CCDC169: variants seen among roughly 807,000 people sequenced by gnomAD.
CCDC169 encodes the protein coiled-coil domain-containing protein 169.
In CCDC169, 30 loss-of-function variants were observed where a neutral mutation model predicts 36.0. The observed-to-expected ratio is 0.83, with a 90% CI of 0.62 to 1.13. The LOEUF (loss-of-function observed/expected upper bound fraction) is 1.13, where lower values mean the gene tolerates loss of function less well. CCDC169 is among the 50% of genes most tolerant of loss of function. The pLI is 0.00. For missense variants in CCDC169, 245 were observed against 245.9 expected, an observed-to-expected ratio of 1.00 and a Z score of 0.03; for synonymous variants, 85 against 81.5, an observed-to-expected ratio of 1.04 and a Z score of -0.23.
intron 5 of CCDC169, 90 bp downstream of exon 5, chr13:36,253,955 G>GTTTTATAAGCA: frequency 2.0e-6 from 3 of 1,522,416 alleles, no homozygotes; most frequent in Non-Finnish European, 2.7e-6. Flanking sequence ...GTAGGAAATA[G>GTTTTATAAGCA]TTTTGTGTTA....
At chr13:36,265,174 G>A (rs530134796) in intron 4 of CCDC169, among the ~76,000 whole-genome samples, 30 of 152,220 alleles carry the variant, frequency 2.0e-4, no homozygotes, top group African/African-American at 4.8e-4. Flanking sequence ...AGTTGTGACC[G>A]TCCACTTTTG....
chr13:36,255,813 A>G (rs1294048733), intron 4 of CCDC169, among the ~76,000 whole-genome samples: 3 of 152,180 alleles, frequency 2.0e-5, no homozygotes, highest in African/African-American at 7.2e-5. Context: ...TACCATTGTC[A>G]TCCACAGTCT....
chr13:36,226,987 T>C (rs1014568988), downstream of CCDC169: 1 of 428,422 alleles, frequency 2.3e-6, no homozygotes, highest in African/African-American at 2.0e-5. Flanking sequence ...ATAAAATCCT[T>C]ATCTCTCACT....
At position 36,254,055 on chromosome 13, in the gene CCDC169, T is replaced by C. The variant is rs1052588577; in HGVS notation, c.404A>G (p.Gln135Arg). 6.5e-6 allele frequency: 10 copies of C among 1,544,184 alleles called. No individual in the cohort carries two copies. In the African/African-American group the frequency reaches 1.4e-4, roughly 21 times the overall value. ...AGAGTAAAAACAAACCTTTGATTCT[T>C]GTTCCAGTTTAAGTGCATAGTATTT... ...QVKYYALKLE[Q>R]ESKAYQKINN... is the part of the protein sequence containing the mutation. Residue 135 changes from glutamine (Q) to arginine (R), a missense_variant, in exon 5 of 8, where the codon CAA (glutamine) becomes CGA (arginine). Physicochemically the swap from Gln to Arg is conservative, Grantham distance 43 (BLOSUM62 1). Coordinates refer to ENST00000239859, the MANE Select transcript of CCDC169 (RefSeq NM_001144981.3).
chr13:36,297,757 G>T lies in CCDC169; in HGVS notation c.-38C>A. 1 of 1,535,240 alleles carries T rather than the reference G, an allele frequency of 6.5e-7. No homozygotes were observed. The highest frequency in any genetic ancestry group is 1.2e-5 in the South Asian group (1 of 83,782). On this transcript the variant is annotated 5_prime_UTR_variant, in exon 1 of 8. In the 5' UTR this introduces an upstream ATG that the reference lacks. Coordinates refer to ENST00000239859, the MANE Select transcript of CCDC169 (RefSeq NM_001144981.3). ...GAGACCTCCCGCGTCTTTCCCCTCA[G>T]CACCTTAGAGCACAAGACATTAAGG...
intron 4 of CCDC169, among the ~76,000 whole-genome samples, chr13:36,275,693 T>C (rs545154992): frequency 6.6e-6 from 1 of 152,298 alleles, no homozygotes; most frequent in South Asian, 2.1e-4. Context: ...GTGAGCCCAG[T>C]GGGAGCATGA....
chr13:36,239,293 T>C (rs1403832764), intron 7 of CCDC169, among the ~76,000 whole-genome samples: 1 of 151,610 alleles, frequency 6.6e-6, no homozygotes, highest in Non-Finnish European at 1.5e-5. Flanking sequence ...GCATCACACA[T>C]AGTAAGAGAA....
At chr13:36,279,827 A>G (rs1040364138) in intron 4 of CCDC169, among the ~76,000 whole-genome samples, 1 of 152,218 alleles carries the variant, frequency 6.6e-6, no homozygotes, top group East Asian at 1.9e-4. Flanking sequence ...GAGATCATAC[A>G]ACTGCAATGC....
chr13:36,272,478 T>TCC (rs913582038), intron 4 of CCDC169, among the ~76,000 whole-genome samples: 1 of 152,168 alleles, frequency 6.6e-6, no homozygotes, highest in African/African-American at 2.4e-5. Flanking sequence ...AACCTTCCTG[T>TCC]CCTGGGAAGT....
At position 36,285,618 on chromosome 13, in the gene CCDC169, G is replaced by GATAGATAGATAGATAGATAGATAC. The variant is rs751327575; in HGVS notation, c.164-1917_164-1916insGTATCTATCTATCTATCTATCTAT. On this transcript the variant is annotated intron_variant, in intron 2 of 7. Coordinates refer to ENST00000239859, the MANE Select transcript of CCDC169 (RefSeq NM_001144981.3). ...AGATAGATAGATAGATAGATAGATA[G>GATAGATAGATAGATAGATAGATAC]ATACATAGATACATAGATACATAGA... 2.2e-4 allele frequency among the ~76,000 whole-genome samples: 30 copies of GATAGATAGATAGATAGATAGATAC among 133,594 alleles called. No individual in the cohort carries two copies. The East Asian group carries it at 2.7e-3, about 12-fold the overall frequency. 87.6% of individuals were successfully genotyped at this position (133,594 alleles called of 152,430 possible).
chr13:36,270,011 T>G (rs1875824009), intron 4 of CCDC169, among the ~76,000 whole-genome samples: 1 of 152,186 alleles, frequency 6.6e-6, no homozygotes, highest in African/African-American at 2.4e-5. Flanking sequence ...CATGATCGTA[T>G]ACCTAGAAAA....
intron 6 of CCDC169, among the ~76,000 whole-genome samples, chr13:36,252,384 G>A (rs1167721928): frequency 1.3e-5 from 2 of 152,100 alleles, no homozygotes; most frequent in African/African-American, 4.8e-5. Flanking sequence ...CAATAGAACT[G>A]ACTTTCTCAA....
rs1426870290 is a variant in CCDC169, at chr13:36,283,637, C to T, written c.229G>A (p.Val77Ile). 19 of 1,551,256 alleles carry T rather than the reference C, an allele frequency of 1.2e-5. No individual in the cohort carries two copies. Among genetic ancestry groups the T allele is most frequent in the Non-Finnish European group, 1.7e-5 (19 of 1,146,802 alleles). The part of the protein sequence containing the change: ...ELNDELEKQI[V>I]YLKEKVEKIH... ...TTTTCCACTTTCTCCTTGAGATAAA[C>T]AATTTGCTTTTCTAGTTCATCATTT... The change falls in exon 3 of 8, where the codon GTT becomes ATT. Residue 77 changes from valine to isoleucine, a missense_variant. Transcript: ENST00000239859.
At chr13:36,246,223 C>A (rs139330331) in intron 7 of CCDC169, among the ~76,000 whole-genome samples, 3 of 152,162 alleles carry the variant, frequency 2.0e-5, no homozygotes, top group Admixed American at 6.5e-5. Flanking sequence ...TAAGCTTAGT[C>A]ATTTAGTGAG....
At chr13:36,258,236 G>A (rs1454540215) in intron 4 of CCDC169, among the ~76,000 whole-genome samples, 1 of 152,168 alleles carries the variant, frequency 6.6e-6, no homozygotes, top group Non-Finnish European at 1.5e-5. Context: ...GGCTCCATCA[G>A]CTCAGCAGCT....
intron 4 of CCDC169, among the ~76,000 whole-genome samples, chr13:36,254,839 TGGGCATTCA>T (rs1873649864): frequency 6.6e-6 from 1 of 152,174 alleles, no homozygotes; most frequent in Non-Finnish European, 1.5e-5. Context: ...GCTGAGGCTG[TGGGCATTCA>T]GGACCTGGCT....
At chr13:36,248,420 A>T (rs766567435) in intron 7 of CCDC169, among the ~76,000 whole-genome samples, 186 bp downstream of exon 7, 4 of 151,690 alleles carry the variant, frequency 2.6e-5, no homozygotes, top group Non-Finnish European at 5.9e-5. Flanking sequence ...TCTGGGATCT[A>T]AAAAAAATGT....
At chr13:36,261,240 C>T (rs536130292) in intron 4 of CCDC169, among the ~76,000 whole-genome samples, 1 of 152,142 alleles carries the variant, frequency 6.6e-6, no homozygotes, top group Non-Finnish European at 1.5e-5. Context: ...GAGATGGCGA[C>T]TTTGCATTGG....
chr13:36,260,991 C>A (rs1874541324), intron 4 of CCDC169, among the ~76,000 whole-genome samples: 1 of 152,160 alleles, frequency 6.6e-6, no homozygotes, highest in Non-Finnish European at 1.5e-5. Flanking sequence ...GAAATCTGTA[C>A]TGACTTGATA....
Sources: allele counts gnomAD v4.1 joint callset (sites outside exome capture counted in the v4.1 genomes callset), GRCh38; gene constraint gnomAD v4.1.1; transcripts MANE v1.5; gene names NCBI Gene and HGNC (gene_info 2026-07-23, HGNC 2026-07-21).